Variants in RASA3 observed in about 807,000 individuals in gnomAD.
The protein encoded by RASA3 is ras GTPase-activating protein 3.
RASA3 carries 73 observed loss-of-function variants against 110.0 expected under a neutral mutation model. That is an observed-to-expected ratio of 0.66 (90% confidence interval 0.55 to 0.81). The LOEUF (loss-of-function observed/expected upper bound fraction) is 0.81, where lower values mean the gene tolerates loss of function less well. Among genes scored for constraint, RASA3 ranks in the 30% least tolerant of loss-of-function variants. The probability of loss-of-function intolerance (pLI) is 0.00; values close to 1 mark genes in which losing one functional copy is unlikely to be tolerated. For synonymous variants in RASA3, 500 were observed against 451.4 expected (o/e 1.11, Z -1.37); for missense variants, 976 against 1,113.2 (o/e 0.88, Z 1.75).
Position 113,981,841 on chromosome 13 carries a change from A to C in RASA3, c.2263T>G (p.Ser755Ala). The change falls in exon 23 of 24, where the codon TCT becomes GCT. Residue 755 changes from serine (S) to alanine (A), a missense_variant. Transcript: ENST00000334062. ...EKMQEACGSK[S>A]VYDGPEQEEY... ...TCCTGCTCCGGGCCGTCATACACAG[A>C]TTTGCTCCCACAGGCCTCTGTGGAG... 6.2e-7 allele frequency: 1 copy of C among 1,613,576 alleles called. No homozygotes were observed. Among genetic ancestry groups the C allele is most frequent in the Non-Finnish European group, 8.5e-7 (1 of 1,179,876 alleles).
At chr13:114,041,511 G>A (rs952821298) in intron 3 of RASA3, among the ~76,000 whole-genome samples, 2 of 152,242 alleles carry the variant, frequency 1.3e-5, no homozygotes, top group Non-Finnish European at 2.9e-5. Context: ...ACTGTGGTCC[G>A]TGGCCAGTTC....
At chr13:114,017,864 G>A (rs1245584993) in intron 11 of RASA3, among the ~76,000 whole-genome samples, 1 of 151,770 alleles carries the variant, frequency 6.6e-6, no homozygotes, top group Non-Finnish European at 1.5e-5. Flanking sequence ...CGAGCCCCAG[G>A]AGCCGTTTCC....
intron 14 of RASA3, among the ~76,000 whole-genome samples, chr13:114,013,615 CCT>C (rs144618832): frequency 0.18 from 16,998 of 92,706 alleles, 2,208 homozygotes; most frequent in African/African-American, 0.28. Flanking sequence ...TCTCTCCCCC[CCT>C]CCATCTGTCT....
At chr13:114,082,716 G>A (rs1443307672) in intron 1 of RASA3, among the ~76,000 whole-genome samples, 3 of 152,202 alleles carry the variant, frequency 2.0e-5, no homozygotes, top group East Asian at 1.9e-4. Context: ...CAGCCTGTAC[G>A]CAAGAGGGGA....
At chr13:114,027,491 A>G in intron 6 of RASA3, 30 bp from the exon 7 acceptor site, 13 of 1,532,484 alleles carry the variant, frequency 8.5e-6, no homozygotes, top group African/African-American at 1.4e-5. Flanking sequence ...GATTGGGATT[A>G]AAACAACACT....
intron 21 of RASA3, among the ~76,000 whole-genome samples, chr13:113,993,406 G>A (rs982698598): frequency 4.6e-5 from 7 of 151,808 alleles, no homozygotes; most frequent in Non-Finnish European, 1.0e-4. Context: ...GAACTCCTGA[G>A]CTCAGGTGAT....
At chr13:114,030,803 G>A (rs1405181842) in intron 4 of RASA3, among the ~76,000 whole-genome samples, 1 of 151,482 alleles carries the variant, frequency 6.6e-6, no homozygotes, top group East Asian at 1.9e-4. Flanking sequence ...CTGTATGTGT[G>A]TCCGCCTGTG....
At chr13:114,039,435 A>G (rs1002006254) in intron 4 of RASA3, among the ~76,000 whole-genome samples, 1 of 151,944 alleles carries the variant, frequency 6.6e-6, no homozygotes, top group African/African-American at 2.4e-5. Flanking sequence ...CTACACTCAG[A>G]CGCTCACTGC....
intron 1 of RASA3, among the ~76,000 whole-genome samples, chr13:114,119,963 C>G (rs182028962): frequency 6.3e-3 from 45 of 7,100 alleles, no homozygotes; most frequent in Admixed American, 0.012. Flanking sequence ...GCCAGGCGTC[C>G]ATCAGGGCCC....
At chr13:114,064,958 T>G (rs2079421422) in intron 2 of RASA3, among the ~76,000 whole-genome samples, 1 of 152,238 alleles carries the variant, frequency 6.6e-6, no homozygotes. Flanking sequence ...AGCCTCTCCC[T>G]CTGAGGCAGA....
intron 2 of RASA3, among the ~76,000 whole-genome samples, chr13:114,068,976 G>A (rs746358984): frequency 6.6e-6 from 1 of 152,152 alleles, no homozygotes; most frequent in African/African-American, 2.4e-5. Flanking sequence ...GACAGAGGAC[G>A]CTCTCCCCAG....
intron 4 of RASA3, among the ~76,000 whole-genome samples, chr13:114,034,179 G>A (rs975091063): frequency 1.3e-5 from 2 of 152,270 alleles, no homozygotes; most frequent in Admixed American, 6.5e-5. Flanking sequence ...CTATCCACGG[G>A]CTAAAGGAGT....
intron 1 of RASA3, among the ~76,000 whole-genome samples, chr13:114,083,555 CGG>C (rs1566562562): frequency 7.2e-6 from 1 of 139,524 alleles, no homozygotes; most frequent in Non-Finnish European, 1.6e-5. Context: ...GGGGAAATCA[CGG>C]GGAAGTGGTG....
chr13:114,024,244 T>G, intron 8 of RASA3, 35 bp downstream of exon 8: 2 of 1,596,702 alleles, frequency 1.3e-6, no homozygotes, highest in Non-Finnish European at 1.7e-6. Context: ...GGGTGAAAAC[T>G]GCCAAGTTGG....
rs575063591 is a variant in RASA3 at position 114,018,354 on chromosome 13, G to A, written c.943-102C>T. ...TCTCACTTCCAGCCACAATAGATAC[G>A]GCTCTTTGCTGAGACAGAAACACAC... On this transcript the variant is annotated intron_variant, in intron 10 of 23. Coordinates refer to ENST00000334062, the MANE Select transcript of RASA3 (RefSeq NM_007368.4). The A allele has an allele frequency of 1.8e-4, 239 of 1,363,580 alleles. 3 individuals carry two copies. The South Asian group carries it at 2.9e-3, about 17-fold the overall frequency. The allele number at this position is 1,363,580 out of a possible 1,614,324, so 84.5% of individuals were successfully genotyped here. A position where few individuals can be genotyped will look rare whatever the true frequency, so the allele number is the denominator to read the frequency against.
At chr13:113,998,415 G>C (rs981050697) in intron 20 of RASA3, among the ~76,000 whole-genome samples, 3 of 152,246 alleles carry the variant, frequency 2.0e-5, no homozygotes, top group African/African-American at 4.8e-5. Flanking sequence ...CCAATGGTAA[G>C]GAACATGCGT....
rs1447884406 is a variant in RASA3, at chr13:114,018,198, C to T, written c.997G>A (p.Glu333Lys). Reference protein sequence around the residue: ...ILGEVCREKQEAAVPLVRLFL... With the variant: ...ILGEVCREKQKAAVPLVRLFL... ...AGCCGCACCAGCGGGACGGCCGCCT[C>T]CTGCTTCTCCCGGCAAACCTCGCCC... The change falls in exon 11 of 24, where the codon GAG (glutamate) becomes AAG (lysine). Residue 333 changes from glutamate to lysine, a missense_variant. By Grantham distance (56) the Glu-to-Lys change is moderately conservative. Around this residue, in one of 4 missense-constraint regions of RASA3, gnomAD observed 732 missense variants for 779.7 expected, o/e 0.94. Transcript: ENST00000334062. 3 of 1,552,976 alleles carry T rather than the reference C, an allele frequency of 1.9e-6. No individual in the cohort carries two copies. The highest frequency in any genetic ancestry group is 2.6e-6 in the Non-Finnish European group (3 of 1,148,530).
At chr13:114,027,771 A>C (rs1448827534) in intron 6 of RASA3, 76 bp downstream of exon 6, 13 of 1,419,628 alleles carry the variant, frequency 9.2e-6, no homozygotes, top group African/African-American at 1.4e-5. Flanking sequence ...CAAATGAGGC[A>C]GTGGTCTCGT....
chr13:113,989,837 G>C (rs916324425), intron 22 of RASA3, among the ~76,000 whole-genome samples: 2 of 152,266 alleles, frequency 1.3e-5, no homozygotes, highest in Non-Finnish European at 2.9e-5. Context: ...GAAGGTCACT[G>C]CATATGGAAG....
Sources: gnomAD v4.1 joint callset for allele counts (sites outside exome capture counted in the v4.1 genomes callset) on GRCh38, gnomAD v4.1.1 for gene constraint, gnomAD v4.1.1 regional missense constraint, MANE v1.5 for transcripts, NCBI Gene and HGNC (gene_info 2026-07-23, HGNC 2026-07-21) for gene names.